SYT2: variants seen among roughly 807,000 people sequenced by gnomAD.
SYT2 encodes the protein synaptotagmin-2.
Under a neutral mutation model 39.9 loss-of-function variants are expected in SYT2, and 15 were observed. The ratio of observed to expected loss-of-function variants is 0.38; its 90% CI spans 0.25 to 0.58. The LOEUF (loss-of-function observed/expected upper bound fraction) is 0.58. Among genes scored for constraint, SYT2 ranks in the 20% least tolerant of loss-of-function variants. SYT2 has a pLI of 0.70. For synonymous variants in SYT2, 181 were observed against 204.5 expected (o/e 0.89, Z 0.98); for missense variants, 389 against 530.3 (o/e 0.73, Z 2.62).
chr1:202,635,022 T>C (rs1166237616), intron 1 of SYT2, among the ~76,000 whole-genome samples: 1 of 152,184 alleles, frequency 6.6e-6, no homozygotes, highest in Admixed American at 6.5e-5. Flanking sequence ...AATGGGTGAA[T>C]TGTATCGTAT....
At chr1:202,679,903 T>C (rs1653482456) in intron 1 of SYT2, among the ~76,000 whole-genome samples, 1 of 152,228 alleles carries the variant, frequency 6.6e-6, no homozygotes, top group African/African-American at 2.4e-5. Context: ...ACTTTTCTAC[T>C]GTCATCCATG....
At chr1:202,657,986 T>C (rs1692309136) in intron 1 of SYT2, among the ~76,000 whole-genome samples, 1 of 152,126 alleles carries the variant, frequency 6.6e-6, no homozygotes, top group Non-Finnish European at 1.5e-5. Flanking sequence ...ACTCAGCATG[T>C]TTCAAAGCAC....
At chr1:202,671,459 A>AG (rs1380976878) in intron 1 of SYT2, among the ~76,000 whole-genome samples, 1 of 152,272 alleles carries the variant, frequency 6.6e-6, no homozygotes, top group Non-Finnish European at 1.5e-5. Flanking sequence ...AAATACAAAA[A>AG]GCACCTAAAC....
At chr1:202,626,747 G>C (rs1367076329) in intron 1 of SYT2, among the ~76,000 whole-genome samples, 2 of 152,136 alleles carry the variant, frequency 1.3e-5, no homozygotes, top group Non-Finnish European at 2.9e-5. Flanking sequence ...GGCAGAAAGG[G>C]TGGTGGGGTC....
In SYT2 at chr1:202,677,613, C is replaced by T. The variant is rs541811399; in HGVS notation, c.-18+32645G>A. On this transcript the variant is annotated intron_variant, in intron 1 of 8. Coordinates refer to ENST00000367268, the MANE Select transcript of SYT2 (RefSeq NM_177402.5). ...TCCAGGGGCCCCAAAGAAACAGACA[C>T]CATGTGGAACAGAGATGAACCATCC... 4.6e-5 allele frequency among the ~76,000 whole-genome samples: 7 copies of T among 152,302 alleles called. No homozygotes were observed. In the South Asian group the frequency reaches 6.2e-4, roughly 14 times the overall value.
At chr1:202,698,035 G>C (rs952018201) in intron 1 of SYT2, among the ~76,000 whole-genome samples, 1 of 152,018 alleles carries the variant, frequency 6.6e-6, no homozygotes, top group Non-Finnish European at 1.5e-5. Flanking sequence ...CAGGGGATGC[G>C]GGGAGGGTGA....
At chr1:202,638,205 A>C (rs1263388985) in intron 1 of SYT2, among the ~76,000 whole-genome samples, 1 of 152,256 alleles carries the variant, frequency 6.6e-6, no homozygotes, top group Non-Finnish European at 1.5e-5. Context: ...GGGTTCAAGA[A>C]TTCCATTCCA....
At chr1:202,657,638 T>C (rs1038410060) in intron 1 of SYT2, among the ~76,000 whole-genome samples, 4 of 151,822 alleles carry the variant, frequency 2.6e-5, no homozygotes, top group African/African-American at 9.7e-5. Flanking sequence ...GGGTGAGAGA[T>C]GTAAAGGACC....
chr1:202,667,216 G>A (rs1030463041), intron 1 of SYT2, among the ~76,000 whole-genome samples: 3 of 152,110 alleles, frequency 2.0e-5, no homozygotes, highest in African/African-American at 7.2e-5. Context: ...AAAAGGAGGA[G>A]GTGGTGTTAT....
At chr1:202,654,856 A>G (rs1692252388) in intron 1 of SYT2, among the ~76,000 whole-genome samples, 1 of 152,204 alleles carries the variant, frequency 6.6e-6, no homozygotes, top group Non-Finnish European at 1.5e-5. Context: ...CAGCTTCTGC[A>G]TAATCCAGGT....
chr1:202,596,641 C>T lies in SYT2; in HGVS notation c.*116G>A. 1 of 1,033,180 alleles carries T rather than the reference C, an allele frequency of 9.7e-7. No individual in the cohort carries two copies. Among genetic ancestry groups the T allele is most frequent in the South Asian group, 1.7e-5 (1 of 59,096 alleles). 64.0% of individuals were successfully genotyped at this position (1,033,180 alleles called of 1,614,324 possible). A position where few individuals can be genotyped will look rare whatever the true frequency, so the allele number is the denominator to read the frequency against. ...AGAAAAACAAGGAAAAACAAGGACA[C>T]AACCACCCAACAAATGAAAGAAAAA... is the stretch of plus-strand genomic sequence containing the variant. On this transcript the variant is annotated 3_prime_UTR_variant, in exon 9 of 9. Coordinates refer to ENST00000367268, the MANE Select transcript of SYT2 (RefSeq NM_177402.5).
chr1:202,693,584 T>C (rs188316845), intron 1 of SYT2, among the ~76,000 whole-genome samples: 7 of 152,176 alleles, frequency 4.6e-5, no homozygotes, highest in Non-Finnish European at 8.8e-5. Context: ...TGTAACAGGA[T>C]TTGGGGCGAT....
chr1:202,703,337 C>T (rs577970811), intron 1 of SYT2, among the ~76,000 whole-genome samples: 4 of 152,022 alleles, frequency 2.6e-5, no homozygotes, highest in African/African-American at 4.8e-5. Flanking sequence ...CCACAAATGC[C>T]TCATTTGACT....
chr1:202,705,007 C>A (rs181757872), intron 1 of SYT2, among the ~76,000 whole-genome samples: 1 of 152,366 alleles, frequency 6.6e-6, no homozygotes, highest in Admixed American at 6.5e-5. Flanking sequence ...ATTTAAATCA[C>A]CCAGCCTCCT....
At position 202,604,605 on chromosome 1, in the gene SYT2, C is replaced by G; in HGVS notation, c.195G>C (p.Leu65=). ...INKIPLPPWA[L]IAIAVVAGLL... ...GCCCAGCAACCACAGCAATGGCGAT[C>G]AGTGCCCAGGGTGGTACTGCCCACA... The change falls in exon 3 of 9, where the codon CTG becomes CTC. Residue 65 remains leucine (L), a synonymous_variant. Coordinates refer to ENST00000367268, the MANE Select transcript of SYT2 (RefSeq NM_177402.5). 1 of 1,614,136 alleles carries G rather than the reference C, an allele frequency of 6.2e-7. No individual in the cohort carries two copies. Among genetic ancestry groups the G allele is most frequent in the Non-Finnish European group, 8.5e-7 (1 of 1,180,012 alleles).
chr1:202,615,466 A>G (rs907147857), intron 1 of SYT2, among the ~76,000 whole-genome samples: 2 of 152,068 alleles, frequency 1.3e-5, no homozygotes, highest in African/African-American at 4.8e-5. Context: ...ACCACCCACA[A>G]TGCCTTCCAA....
chr1:202,657,875 G>A (rs1196085741), intron 1 of SYT2, among the ~76,000 whole-genome samples: 1 of 152,144 alleles, frequency 6.6e-6, no homozygotes, highest in Non-Finnish European at 1.5e-5. Flanking sequence ...TGCTGATCCT[G>A]CATCTCCTCT....
chr1:202,596,996 C>A (rs1386669311), intron 8 of SYT2, 33 bp from the exon 9 acceptor site: 1 of 1,596,070 alleles, frequency 6.3e-7, no homozygotes, highest in Admixed American at 1.7e-5. Context: ...AGTTGGCAGA[C>A]AGAGACGTGG....
intron 1 of SYT2, among the ~76,000 whole-genome samples, chr1:202,663,366 C>T (rs56288419): frequency 0.012 from 1,779 of 152,268 alleles, 43 homozygotes; most frequent in African/African-American, 0.04. Context: ...CTGCCCTCTT[C>T]TTTCCAGGTT....
Sources: allele counts gnomAD v4.1 joint callset (sites outside exome capture counted in the v4.1 genomes callset), GRCh38; gene constraint gnomAD v4.1.1; transcripts MANE v1.5; gene names NCBI Gene and HGNC (gene_info 2026-07-23, HGNC 2026-07-21).